The following CEP89 variants were observed in gnomAD, a reference collection of about 807,000 sequenced individuals.
The protein encoded by CEP89 is centrosomal protein of 89 kDa.
A neutral mutation model predicts 97.6 loss-of-function variants in CEP89; 95 were observed. The observed-to-expected ratio is 0.97, with a 90% confidence interval of 0.82 to 1.15. CEP89 has a LOEUF of 1.15. CEP89 is among the 50% of genes most tolerant of loss of function. CEP89 has a pLI of 0.00. For missense variants in CEP89, 869 were observed against 947.7 expected (o/e 0.92, Z 1.09); for synonymous variants, 354 against 349.1 (o/e 1.01, Z -0.16).
At chr19:32,971,214 A>C in intron 1 of CEP89, 1 of 309,472 alleles carries the variant, frequency 3.2e-6, no homozygotes, top group Non-Finnish European at 5.9e-6. Flanking sequence ...GGTATATCGG[A>C]TGGGACTTGC....
intron 7 of CEP89, 162 bp downstream of exon 7, chr19:32,937,469 C>T (rs936288742): frequency 1.7e-5 from 11 of 629,956 alleles, no homozygotes; most frequent in African/African-American, 1.1e-4. Flanking sequence ...TATGGACATA[C>T]GTCCACTACC....
intron 3 of CEP89, among the ~76,000 whole-genome samples, chr19:32,956,315 A>C (rs1971047749): frequency 6.6e-6 from 1 of 151,050 alleles, no homozygotes; most frequent in Non-Finnish European, 1.5e-5. Flanking sequence ...CGGCCTCCCA[A>C]AATGCTGGGA....
At chr19:32,880,447 G>A (rs1190841999) in intron 18 of CEP89, among the ~76,000 whole-genome samples, 3 of 151,974 alleles carry the variant, frequency 2.0e-5, no homozygotes, top group Non-Finnish European at 4.4e-5. Flanking sequence ...CCCAGCCTGG[G>A]CAACATGTGA....
intron 14 of CEP89, among the ~76,000 whole-genome samples, chr19:32,911,112 C>T (rs1033851177): frequency 2.0e-5 from 3 of 152,130 alleles, no homozygotes; most frequent in East Asian, 1.9e-4. Flanking sequence ...CATTGCTCTA[C>T]GATGTTACAA....
chr19:32,911,549 A>T (rs936237665), intron 14 of CEP89, among the ~76,000 whole-genome samples: 2 of 152,200 alleles, frequency 1.3e-5, no homozygotes, highest in African/African-American at 4.8e-5. Context: ...GCTACTCAGG[A>T]GGCTGAAGCG....
At chr19:32,902,397 A>G (rs1313576960) in intron 14 of CEP89, among the ~76,000 whole-genome samples, 2 of 152,208 alleles carry the variant, frequency 1.3e-5, no homozygotes, top group African/African-American at 2.4e-5. Flanking sequence ...AACTTATTTA[A>G]CTATTATTTT....
In CEP89 at chr19:32,887,781, G is replaced by A. The variant is rs759939013; in HGVS notation, c.1936C>T (p.Arg646Cys). The A allele has an allele frequency of 2.8e-5, 45 of 1,613,038 alleles. No homozygotes were observed. The highest frequency in any genetic ancestry group is 1.9e-4 in the South Asian group (17 of 91,052). ...VLNKVIKSNIRLGKLEEKVKG... is the reference protein window; with the variant it reads ...VLNKVIKSNICLGKLEEKVKG... ...ACTTTTTCCTCTAACTTTCCCAGGC[G>A]AATGTTGCTTTTTATGACTTTATTA... Residue 646 changes from arginine to cysteine, a missense_variant, in exon 17 of 19, where the codon CGC becomes TGC. By Grantham distance (180) the Arg-to-Cys change is radical. Coordinates refer to ENST00000305768, the MANE Select transcript of CEP89 (RefSeq NM_032816.5).
Position 32,915,503 on chromosome 19 carries a change from T to C in CEP89, c.1399A>G (p.Lys467Glu). 1 of 1,609,204 alleles carries C rather than the reference T, an allele frequency of 6.2e-7. No homozygotes were observed. Among genetic ancestry groups the C allele is most frequent in the Non-Finnish European group, 8.5e-7 (1 of 1,178,938 alleles). Residue 467 changes from lysine (K) to glutamate (E), a missense_variant, in exon 14 of 19, where the codon AAA (lysine) becomes GAA (glutamate). Physicochemically the swap from Lys to Glu is moderately conservative, Grantham distance 56 (BLOSUM62 1). Coordinates refer to ENST00000305768, the MANE Select transcript of CEP89 (RefSeq NM_032816.5). ...ERLQEVSKLT[K>E]QLMLLEAKTH... ...TTTGCCTCCAGGAGCATTAGTTGTTTAGTCAGCTTAGAAACTGAAAATCAA... is the reference window on the plus strand; with the variant it reads ...TTTGCCTCCAGGAGCATTAGTTGTTCAGTCAGCTTAGAAACTGAAAATCAA...
chr19:32,934,057 A>G (rs1448638878), intron 7 of CEP89, among the ~76,000 whole-genome samples: 1 of 152,226 alleles, frequency 6.6e-6, no homozygotes, highest in Non-Finnish European at 1.5e-5. Flanking sequence ...GGCCTAGCCC[A>G]ACAGCTGAGG....
rs1461123203 is a variant in CEP89, at chr19:32,936,814, G to C, written c.667+817C>G. ...CTCTCCAGGGCTTCCTCTTTGCTGA[G>C]AGCTGCAGAGACAGTTGGGTGACCT... is the stretch of plus-strand genomic sequence containing the variant. On this transcript the variant is annotated intron_variant, in intron 7 of 18. Transcript: ENST00000305768. The surrounding 1 kb of genome is among the most constrained non-coding windows in gnomAD (Gnocchi z 4.5). Among the ~76,000 whole-genome samples, 1 of 152,062 alleles carries C rather than the reference G, an allele frequency of 6.6e-6. No homozygotes were observed. The highest frequency in any genetic ancestry group is 6.6e-5 in the Admixed American group (1 of 15,266).
chr19:32,931,718 GTGTC>G, intron 8 of CEP89, 147 bp from the exon 9 acceptor site: 1 of 553,252 alleles, frequency 1.8e-6, no homozygotes, highest in South Asian at 3.0e-5. Context: ...GTGTGTATGT[GTGTC>G]TGTGTGTGTG....
In CEP89 at chr19:32,926,961, T is replaced by C; in HGVS notation, c.1053A>G (p.Pro351=). 6.2e-7 allele frequency: 1 copy of C among 1,613,864 alleles called. No individual in the cohort carries two copies. Among genetic ancestry groups the C allele is most frequent in the South Asian group, 1.1e-5 (1 of 91,042 alleles). Residue 351 remains proline (P), a synonymous_variant, in exon 10 of 19, where the codon CCA becomes CCG. Transcript: ENST00000305768. ...KEESLNIEGL[P]SKGPIPPWLL... ...ACCAGGGTGGTATAGGGCCCTTGGA[T>C]GGGAGGCCTTCAATATTTAAGCTCT...
At chr19:32,898,226 C>T (rs959372203) in intron 16 of CEP89, among the ~76,000 whole-genome samples, 1 of 152,168 alleles carries the variant, frequency 6.6e-6, no homozygotes, top group Non-Finnish European at 1.5e-5. Context: ...ATGTCATCTA[C>T]AGCAACATGG....
chr19:32,877,611 G>A lies in CEP89; in HGVS notation c.*1551C>T. ...GCCAGGGCTCTCATTACATGGGTGG[G>A]GAGCTGTGTGGCTCCAGAATCAATT... On this transcript the variant is annotated 3_prime_UTR_variant, in exon 19 of 19. Coordinates refer to ENST00000305768, the MANE Select transcript of CEP89 (RefSeq NM_032816.5). 6.6e-6 allele frequency: 1 copy of A among 152,268 alleles called. No homozygotes were observed. The highest frequency in any genetic ancestry group is 1.5e-5 in the Non-Finnish European group (1 of 68,116). 9.4% of individuals were successfully genotyped at this position (152,268 alleles called of 1,614,324 possible).
At chr19:32,938,552 A>T (rs553958936) in intron 6 of CEP89, among the ~76,000 whole-genome samples, 13 of 152,206 alleles carry the variant, frequency 8.5e-5, no homozygotes, top group Non-Finnish European at 1.8e-4. Context: ...CAAGGTTATA[A>T]ATTAACTCTG....
chr19:32,893,430 A>T (rs1364251545), intron 16 of CEP89, among the ~76,000 whole-genome samples: 1 of 152,222 alleles, frequency 6.6e-6, no homozygotes, highest in African/African-American at 2.4e-5. Context: ...CAATACAATA[A>T]TAGTTGGGGA....
intron 14 of CEP89, among the ~76,000 whole-genome samples, chr19:32,912,494 A>G (rs1238747888): frequency 6.6e-6 from 1 of 152,164 alleles, no homozygotes; most frequent in Admixed American, 6.5e-5. Flanking sequence ...TGGGTTTCCA[A>G]TGGGCTGGCC....
intron 6 of CEP89, among the ~76,000 whole-genome samples, chr19:32,938,082 C>T (rs1437993768): frequency 6.6e-6 from 1 of 150,634 alleles, no homozygotes; most frequent in Non-Finnish European, 1.5e-5. Flanking sequence ...AAGGGATCCT[C>T]CTACCTTGGT....
chr19:32,891,710 C>T (rs1969520502), intron 16 of CEP89, among the ~76,000 whole-genome samples: 5 of 150,638 alleles, frequency 3.3e-5, no homozygotes, highest in Admixed American at 2.7e-4. Context: ...CTGAAGAATT[C>T]AATGAATAAA....
Sources: gnomAD v4.1 joint callset for allele counts (sites outside exome capture counted in the v4.1 genomes callset) on GRCh38, gnomAD v4.1.1 for gene constraint, Gnocchi (gnomAD v3.1) non-coding constraint, MANE v1.5 for transcripts, NCBI Gene and HGNC (gene_info 2026-07-23, HGNC 2026-07-21) for gene names.